The following DIAPH3 variants were observed in gnomAD, a reference collection of about 807,000 sequenced individuals.
The protein encoded by DIAPH3 is protein diaphanous homolog 3.
DIAPH3 carries 117 observed loss-of-function variants against 144.3 expected under a neutral mutation model. That is an observed-to-expected ratio of 0.81 (90% CI 0.70 to 0.95). DIAPH3 has a LOEUF of 0.95. Ranked by LOEUF, DIAPH3 falls within the 40% of genes least tolerant of loss-of-function variation. The pLI, the probability that DIAPH3 is intolerant of heterozygous loss-of-function variation, is 0.00. For missense variants in DIAPH3, 1,421 were observed against 1,412.7 expected (o/e 1.01, Z -0.09); for synonymous variants, 519 against 488.9 (o/e 1.06, Z -0.81).
intron 25 of DIAPH3, among the ~76,000 whole-genome samples, chr13:59,776,376 T>C (rs2038412982): frequency 6.6e-6 from 1 of 152,164 alleles, no homozygotes; most frequent in Non-Finnish European, 1.5e-5. Flanking sequence ...TTGATGGCTA[T>C]TTTAACTAAA....
At chr13:59,909,877 C>A (rs1343189071) in intron 20 of DIAPH3, among the ~76,000 whole-genome samples, 1 of 152,124 alleles carries the variant, frequency 6.6e-6, no homozygotes, top group Admixed American at 6.5e-5. Flanking sequence ...AACTGCTGAT[C>A]CCTAAAAGTA....
intron 20 of DIAPH3, among the ~76,000 whole-genome samples, chr13:59,900,339 T>C (rs913652908): frequency 2.6e-5 from 4 of 151,952 alleles, no homozygotes; most frequent in African/African-American, 4.8e-5. Context: ...AGGCAAAAAG[T>C]TTTTTTTCTT....
chr13:59,833,116 G>A lies in DIAPH3; in HGVS notation c.3018C>T (p.Thr1006=), dbSNP rs776569376. 6.2e-7 allele frequency: 1 copy of A among 1,608,318 alleles called. No homozygotes were observed. The highest frequency in any genetic ancestry group is 8.5e-7 in the Non-Finnish European group (1 of 1,177,108). Residue 1006 remains threonine (T), a synonymous_variant, in exon 24 of 28, where the codon ACC becomes ACT. Transcript: ENST00000400324. The part of the protein sequence containing the change: ...DFLTDLNNFR[T]TFMQAIKENI... ...AATTTTTTTACCATACCATGAATGTGGTTCTGAAGTTATTCAGGTCAGTAA... is the reference window on the plus strand; with the variant it reads ...AATTTTTTTACCATACCATGAATGTAGTTCTGAAGTTATTCAGGTCAGTAA...
intron 5 of DIAPH3, among the ~76,000 whole-genome samples, chr13:60,022,532 C>A (rs865908690): frequency 6.6e-6 from 1 of 152,152 alleles, no homozygotes; most frequent in Non-Finnish European, 1.5e-5. Flanking sequence ...GTCAGCAGGG[C>A]TGCTGCCTGG....
chr13:59,715,359 T>C (rs2034993769), intron 27 of DIAPH3, among the ~76,000 whole-genome samples: 1 of 152,164 alleles, frequency 6.6e-6, no homozygotes, highest in South Asian at 2.1e-4. Context: ...AGAAAACTTG[T>C]GAAGATAAAA....
intron 8 of DIAPH3, among the ~76,000 whole-genome samples, chr13:60,009,643 TATAG>T (rs2053116485): frequency 6.6e-6 from 1 of 152,228 alleles, no homozygotes; most frequent in Non-Finnish European, 1.5e-5. Flanking sequence ...ACACCTCTTC[TATAG>T]ATAAACACTG....
chr13:59,764,158 A>G (rs1566276816), intron 27 of DIAPH3, among the ~76,000 whole-genome samples: 2 of 151,998 alleles, frequency 1.3e-5, no homozygotes, highest in African/African-American at 2.4e-5. Context: ...TTTGCAGTAG[A>G]ACACCTTGCT....
At chr13:59,842,856 C>T (rs1363287085) in intron 22 of DIAPH3, among the ~76,000 whole-genome samples, 1 of 152,122 alleles carries the variant, frequency 6.6e-6, no homozygotes, top group Non-Finnish European at 1.5e-5. Flanking sequence ...CACAGTTTCA[C>T]TGCCCTTCCA....
intron 3 of DIAPH3, among the ~76,000 whole-genome samples, chr13:60,099,578 C>T (rs1270261665): frequency 1.3e-5 from 2 of 152,148 alleles, no homozygotes; most frequent in Non-Finnish European, 2.9e-5. Flanking sequence ...ATTCAAAGTA[C>T]AGTCTCTACC....
intron 3 of DIAPH3, among the ~76,000 whole-genome samples, chr13:60,098,741 C>T (rs902218753): frequency 1.3e-5 from 2 of 152,142 alleles, no homozygotes; most frequent in Non-Finnish European, 2.9e-5. Context: ...TGCTACCACA[C>T]TACATAGGTA....
At chr13:59,901,531 T>C (rs1187975638) in intron 20 of DIAPH3, among the ~76,000 whole-genome samples, 1 of 152,196 alleles carries the variant, frequency 6.6e-6, no homozygotes, top group East Asian at 1.9e-4. Flanking sequence ...CTGCAGAGCA[T>C]TCACTACTAT....
Position 60,042,678 on chromosome 13 carries a change from T to A in DIAPH3, c.626+12A>T. On this transcript the variant is annotated intron_variant, in intron 5 of 27. Coordinates refer to ENST00000400324, the MANE Select transcript of DIAPH3 (RefSeq NM_001042517.2). Reference sequence around the variant, plus strand: ...GACATCTGCCCTGTTGGTGTTCAAATAGATGAATTACCTCACAGGATTGCT... The same window carrying A: ...GACATCTGCCCTGTTGGTGTTCAAAAAGATGAATTACCTCACAGGATTGCT... The A allele has an allele frequency of 6.2e-7, 1 of 1,613,410 alleles. No homozygotes were observed. Among genetic ancestry groups the A allele is most frequent in the Non-Finnish European group, 8.5e-7 (1 of 1,179,536 alleles).
rs573911241 is a variant in DIAPH3, at chr13:59,947,490, G to A, written c.2074+22454C>T. ...TTTTTGATGTGTTACAATCAGACAC[G>A]ATCTAAATTTGTGATTTAATTTAAA... On this transcript the variant is annotated intron_variant, in intron 17 of 27. Transcript: ENST00000400324. Among the ~76,000 whole-genome samples the A allele has an allele frequency of 7.6e-4, 116 of 152,194 alleles. No homozygotes were observed. The Middle Eastern group carries it at 0.01, about 13-fold the overall frequency.
intron 4 of DIAPH3, among the ~76,000 whole-genome samples, chr13:60,073,695 C>T (rs1488864577): frequency 6.6e-6 from 1 of 152,156 alleles, no homozygotes; most frequent in Non-Finnish European, 1.5e-5. Flanking sequence ...ACAATGATCA[C>T]AAACTGAACA....
chr13:59,956,584 TC>T (rs1488686806), intron 17 of DIAPH3, among the ~76,000 whole-genome samples: 1 of 152,220 alleles, frequency 6.6e-6, no homozygotes, highest in African/African-American at 2.4e-5. Flanking sequence ...ATGGAGAGCC[TC>T]TGCTAGGGCA....
chr13:59,812,940 G>C (rs1468703911), intron 24 of DIAPH3, among the ~76,000 whole-genome samples: 4 of 152,094 alleles, frequency 2.6e-5, no homozygotes, highest in African/African-American at 4.8e-5. Context: ...AGAAGATAGA[G>C]GTAGTATCTC....
chr13:59,941,530 T>A (rs993561864), intron 17 of DIAPH3, among the ~76,000 whole-genome samples: 1 of 152,114 alleles, frequency 6.6e-6, no homozygotes, highest in Non-Finnish European at 1.5e-5. Context: ...TGTCTGGACC[T>A]CCACAGGAAG....
chr13:59,700,500 C>G (rs1056193578), intron 27 of DIAPH3, among the ~76,000 whole-genome samples: 1 of 152,172 alleles, frequency 6.6e-6, no homozygotes. Flanking sequence ...TACTTTCTTT[C>G]ATTTCCCATA....
chr13:59,818,134 T>C (rs894842002), intron 24 of DIAPH3, among the ~76,000 whole-genome samples: 2 of 151,960 alleles, frequency 1.3e-5, no homozygotes, highest in Admixed American at 6.6e-5. Context: ...ATATTGGATA[T>C]GGCTGCTTTT....
Sources: gnomAD v4.1 joint callset for allele counts (sites outside exome capture counted in the v4.1 genomes callset) on GRCh38, gnomAD v4.1.1 for gene constraint, MANE v1.5 for transcripts, NCBI Gene and HGNC (gene_info 2026-07-23, HGNC 2026-07-21) for gene names.